Variants in MFSD6 observed in about 807,000 individuals in gnomAD.
The protein encoded by MFSD6 is major facilitator superfamily domain containing 6, also known as major facilitator superfamily domain-containing protein 6.
MFSD6 carries 26 observed loss-of-function variants against 56.3 expected under a neutral mutation model. The ratio of observed to expected loss-of-function variants is 0.46; its 90% CI spans 0.34 to 0.64. MFSD6 has a LOEUF of 0.64. MFSD6 is among the 30% of genes least tolerant of loss of function. MFSD6 has a pLI of 0.01. For missense variants in MFSD6, 750 were observed against 986.2 expected (o/e 0.76, Z 3.21); for synonymous variants, 331 against 366.9 (o/e 0.90, Z 1.12).
At position 190,490,422 on chromosome 2, in the gene MFSD6, G is replaced by C. The variant is rs2125242321; in HGVS notation, c.1891+556G>C. Among the ~76,000 whole-genome samples the C allele has an allele frequency of 6.6e-6, 1 of 152,186 alleles. No homozygotes were observed. The highest frequency in any genetic ancestry group is 2.1e-4 in the South Asian group (1 of 4,814). ...ACTAAAAATATAAAAAATTAGCCGG[G>C]CACGGTGGTGGGCGCCTGTAATCCC... On this transcript the variant is annotated intron_variant, in intron 6 of 7. Coordinates refer to ENST00000392328, the MANE Select transcript of MFSD6 (RefSeq NM_017694.4). This position sits in a 1 kb window ranked among gnomAD's most constrained non-coding sequence, Gnocchi z 4.5.
rs1689655601 is a variant in MFSD6, at chr2:190,496,083, CTA to C, written c.1892-1350_1892-1349del. Among the ~76,000 whole-genome samples the C allele has an allele frequency of 6.6e-6, 1 of 151,756 alleles. No individual in the cohort carries two copies. Among genetic ancestry groups the C allele is most frequent in the South Asian group, 2.1e-4 (1 of 4,818 alleles). On this transcript the variant is annotated intron_variant, in intron 6 of 7. Coordinates refer to ENST00000392328, the MANE Select transcript of MFSD6 (RefSeq NM_017694.4). This position sits in a 1 kb window ranked among gnomAD's most constrained non-coding sequence, Gnocchi z 4.7. ...CACAGAGTGGGAGAAAATCTTCAGT[CTA>C]TATATCCGACAAAGGACTAATATCC...
At chr2:190,473,767 A>C (rs940500459) in intron 4 of MFSD6, among the ~76,000 whole-genome samples, 4 of 152,220 alleles carry the variant, frequency 2.6e-5, no homozygotes, top group African/African-American at 9.6e-5. Flanking sequence ...CAGAATATAC[A>C]TTCTTTTCAG....
chr2:190,497,206 A>G lies in MFSD6; in HGVS notation c.1892-233A>G, dbSNP rs555004785. Among the ~76,000 whole-genome samples, 5 of 152,324 alleles carry G rather than the reference A, an allele frequency of 3.3e-5. No individual in the cohort carries two copies. The East Asian group carries it at 5.8e-4, about 18-fold the overall frequency. On this transcript the variant is annotated intron_variant, in intron 6 of 7. Coordinates refer to ENST00000392328, the MANE Select transcript of MFSD6 (RefSeq NM_017694.4). This position sits in a 1 kb window ranked among gnomAD's most constrained non-coding sequence, Gnocchi z 5.2. ...GTTAAATGAAAAATATATTTCTTAA[A>G]TATATATGCTAATGTCTATTAAGGC...
In MFSD6 at chr2:190,488,826, T is replaced by A; in HGVS notation, c.1792+8T>A. 6.5e-7 allele frequency: 1 copy of A among 1,539,690 alleles called. No individual in the cohort carries two copies. The highest frequency in any genetic ancestry group is 8.7e-7 in the Non-Finnish European group (1 of 1,145,994). On this transcript the variant is annotated splice_region_variant and intron_variant, in intron 5 of 7. Coordinates refer to ENST00000392328, the MANE Select transcript of MFSD6 (RefSeq NM_017694.4). The surrounding 1 kb of genome is among the most constrained non-coding windows in gnomAD (Gnocchi z 6.4). ...TGTTAGTCAATTATTTTGGTAAGAA[T>A]GGCTTTCTCCTTTTTTTTCTTTTCT...
rs1401760595 is a variant in MFSD6 at position 190,498,350 on chromosome 2, C to A, written c.2172+631C>A. Among the ~76,000 whole-genome samples, 6 of 152,168 alleles carry A rather than the reference C, an allele frequency of 3.9e-5. No individual in the cohort carries two copies. On this transcript the variant is annotated intron_variant, in intron 7 of 7. Transcript: ENST00000392328. This position sits in a 1 kb window ranked among gnomAD's most constrained non-coding sequence, Gnocchi z 5.9. ...TTAGCCAAAGAAATAGGCTCAGTTC[C>A]CCCATCTCATGATAATCACTCCCTT...
At chr2:190,435,345 T>C (rs1219889526) in intron 2 of MFSD6, 1 of 152,282 alleles carries the variant, frequency 6.6e-6, no homozygotes, top group African/African-American at 2.4e-5. Flanking sequence ...ATCTGCTCTT[T>C]TTTCTTGCCA....
rs1690888300 is a variant in MFSD6 at position 190,418,617 on chromosome 2, A to C, written c.-54+3204A>C. On this transcript the variant is annotated intron_variant, in intron 2 of 7. Transcript: ENST00000392328. The surrounding 1 kb of genome is among the most constrained non-coding windows in gnomAD (Gnocchi z 4.1). ...CAAACAACTGAAAAGAATAGCTGAA[A>C]GTGGTGGTGTGTGCCTGTAGTCCCA... Among the ~76,000 whole-genome samples, 1 of 152,064 alleles carries C rather than the reference A, an allele frequency of 6.6e-6. No homozygotes were observed. The highest frequency in any genetic ancestry group is 1.5e-5 in the Non-Finnish European group (1 of 67,972).
At chr2:190,440,556 T>C (rs1271704192) in intron 3 of MFSD6, among the ~76,000 whole-genome samples, 1 of 152,244 alleles carries the variant, frequency 6.6e-6, no homozygotes, top group Non-Finnish European at 1.5e-5. Flanking sequence ...TTAGCAGCTA[T>C]GAGTAGGATT....
rs1442229810 is a variant in MFSD6, at chr2:190,410,006, TTG to T, written c.-176+1509_-176+1510del. Among the ~76,000 whole-genome samples, 1 of 152,158 alleles carries T rather than the reference TTG, an allele frequency of 6.6e-6. No individual in the cohort carries two copies. The highest frequency in any genetic ancestry group is 1.5e-5 in the Non-Finnish European group (1 of 68,028). ...ATAATGCATTAAAGCTACTAAGTAGTTGTGTGTCCTTCATGTTTACAGCAGTT... is the reference window on the plus strand; with the variant it reads ...ATAATGCATTAAAGCTACTAAGTAGTTGTGTCCTTCATGTTTACAGCAGTT... On this transcript the variant is annotated intron_variant, in intron 1 of 7. Coordinates refer to ENST00000392328, the MANE Select transcript of MFSD6 (RefSeq NM_017694.4). The surrounding 1 kb of genome is among the most constrained non-coding windows in gnomAD (Gnocchi z 4.4).
chr2:190,432,927 A>T (rs1005489453), intron 2 of MFSD6, among the ~76,000 whole-genome samples: 3 of 151,760 alleles, frequency 2.0e-5, no homozygotes, highest in Admixed American at 6.6e-5. Flanking sequence ...CTAACTCATG[A>T]GCCTTTCAGG....
rs1686081370 is a variant in MFSD6, at chr2:190,433,712, T to G, written c.-53-2265T>G. The stretch of plus-strand genomic sequence containing the variant: ...TGGCTTTTGGGGATAACAGATAAAT[T>G]GACTCCTTACACAGGTCTCCTTAAG... On this transcript the variant is annotated intron_variant, in intron 2 of 7. Transcript: ENST00000392328. This position sits in a 1 kb window ranked among gnomAD's most constrained non-coding sequence, Gnocchi z 4.5. 6.6e-6 allele frequency among the ~76,000 whole-genome samples: 1 copy of G among 152,212 alleles called. No homozygotes were observed. Among genetic ancestry groups the G allele is most frequent in the Admixed American group, 6.5e-5 (1 of 15,282 alleles).
At chr2:190,411,934 T>C in intron 1 of MFSD6, 4 of 985,422 alleles carry the variant, frequency 4.1e-6, no homozygotes, top group Non-Finnish European at 3.6e-6. Flanking sequence ...GCATGATTGT[T>C]CTGTACAGAA....
chr2:190,415,422 C>T lies in MFSD6; in HGVS notation c.-54+9C>T, dbSNP rs943747202. 6.6e-6 allele frequency: 1 copy of T among 151,990 alleles called. No homozygotes were observed. The highest frequency in any genetic ancestry group is 1.5e-5 in the Non-Finnish European group (1 of 68,018). 9.4% of individuals were successfully genotyped at this position (151,990 alleles called of 1,614,324 possible). ...AATAGCTAGAACTACAGGTATGAAC[C>T]ACCATGCCTGACTCATTAAAAAAAA... On this transcript the variant is annotated intron_variant, in intron 2 of 7. Coordinates refer to ENST00000392328, the MANE Select transcript of MFSD6 (RefSeq NM_017694.4). This position sits in a 1 kb window ranked among gnomAD's most constrained non-coding sequence, Gnocchi z 4.5.
Position 190,487,943 on chromosome 2 carries a change from C to G in MFSD6, c.1631-714C>G, listed in dbSNP as rs1174905115. On this transcript the variant is annotated intron_variant, in intron 4 of 7. Coordinates refer to ENST00000392328, the MANE Select transcript of MFSD6 (RefSeq NM_017694.4). This position sits in a 1 kb window ranked among gnomAD's most constrained non-coding sequence, Gnocchi z 5.5. Reference sequence around the variant, plus strand: ...TTGAGACAGAATCTTGCTCTGTTGCCAGGCTGGGGAGTGCAGTGGCGTGAT... The same window carrying G: ...TTGAGACAGAATCTTGCTCTGTTGCGAGGCTGGGGAGTGCAGTGGCGTGAT... Among the ~76,000 whole-genome samples, 1 of 152,146 alleles carries G rather than the reference C, an allele frequency of 6.6e-6. No individual in the cohort carries two copies. The highest frequency in any genetic ancestry group is 2.4e-5 in the African/African-American group (1 of 41,432).
Position 190,434,202 on chromosome 2 carries a change from AAAG to A in MFSD6, c.-53-1772_-53-1770del, listed in dbSNP as rs1686099684. Among the ~76,000 whole-genome samples the A allele has an allele frequency of 1.3e-5, 2 of 151,872 alleles. No individual in the cohort carries two copies. Among genetic ancestry groups the A allele is most frequent in the East Asian group, 1.9e-4 (1 of 5,190 alleles). On this transcript the variant is annotated intron_variant, in intron 2 of 7. Coordinates refer to ENST00000392328, the MANE Select transcript of MFSD6 (RefSeq NM_017694.4). The surrounding 1 kb of genome is among the most constrained non-coding windows in gnomAD (Gnocchi z 4.3). ...TCTCTCAAAAAAAAAAAAAGAAAAA[AAAG>A]AAAAGAAGGTGAAAGGAATTAACAC...
chr2:190,473,743 C>T (rs1046349505), intron 4 of MFSD6, among the ~76,000 whole-genome samples: 3 of 152,212 alleles, frequency 2.0e-5, no homozygotes, highest in Non-Finnish European at 2.9e-5. Context: ...ACAGAACTCT[C>T]CACCCCAAAT....
rs1239609194 is a variant in MFSD6 at position 190,485,188 on chromosome 2, G to A, written c.1631-3469G>A. Among the ~76,000 whole-genome samples the A allele has an allele frequency of 6.6e-6, 1 of 152,138 alleles. No homozygotes were observed. Among genetic ancestry groups the A allele is most frequent in the East Asian group, 1.9e-4 (1 of 5,202 alleles). On this transcript the variant is annotated intron_variant, in intron 4 of 7. Transcript: ENST00000392328. The surrounding 1 kb of genome is among the most constrained non-coding windows in gnomAD (Gnocchi z 5.1). ...AAATGATTAGAATTTCTGAGAGGGG[G>A]AAAATAGATACAAACCCTGTGGTTG...
At chr2:190,449,874 GA>G (rs1232610646) in intron 3 of MFSD6, among the ~76,000 whole-genome samples, 57 of 151,944 alleles carry the variant, frequency 3.8e-4, no homozygotes, top group Admixed American at 1.3e-3. Context: ...TGGGGTGGGG[GA>G]AGGGGGGAGG....
In MFSD6 at chr2:190,436,272, C is replaced by T. The variant is rs1251802625; in HGVS notation, c.243C>T (p.Ala81=). 1.2e-6 allele frequency: 2 copies of T among 1,613,906 alleles called. No individual in the cohort carries two copies. Among genetic ancestry groups the T allele is most frequent in the Admixed American group, 3.3e-5 (2 of 60,008 alleles). ...TCTTTTATTTTTTCTTTTACTCTGC[C>T]TATGGCTCTCTCTATCCCCTTTTGC... The part of the protein sequence containing the change: ...SKVFYFFFYS[A]YGSLYPLLPV... The change falls in exon 3 of 8, where the codon GCC becomes GCT. Residue 81 remains alanine, a synonymous_variant. Coordinates refer to ENST00000392328, the MANE Select transcript of MFSD6 (RefSeq NM_017694.4). This position sits in a 1 kb window ranked among gnomAD's most constrained non-coding sequence, Gnocchi z 5.3.
Sources: allele counts gnomAD v4.1 joint callset (sites outside exome capture counted in the v4.1 genomes callset), GRCh38; gene constraint gnomAD v4.1.1; non-coding constraint Gnocchi (gnomAD v3.1); transcripts MANE v1.5; gene names NCBI Gene and HGNC (gene_info 2026-07-23, HGNC 2026-07-21).